The following ZBTB10 variants were observed in gnomAD, a reference collection of about 807,000 sequenced individuals.
ZBTB10 encodes zinc finger and BTB domain-containing protein 10.
A neutral mutation model predicts 76.4 loss-of-function variants in ZBTB10; 32 were observed. The observed-to-expected ratio is 0.42, with a 90% CI of 0.32 to 0.56. ZBTB10 has a LOEUF of 0.56. Ranked by LOEUF, ZBTB10 falls within the 20% of genes least tolerant of loss-of-function variation. The pLI, the probability that ZBTB10 is intolerant of heterozygous loss-of-function variation, is 0.14. For synonymous variants in ZBTB10, 523 were observed against 432.9 expected, an observed-to-expected ratio of 1.21 and a Z score of -2.58; for missense variants, 1,057 against 1,098.5, an observed-to-expected ratio of 0.96 and a Z score of 0.53.
chr8:80,486,978 G>C lies in ZBTB10; in HGVS notation c.168G>C (p.Gln56His). 1 of 1,513,194 alleles carries C rather than the reference G, an allele frequency of 6.6e-7. No homozygotes were observed. The highest frequency in any genetic ancestry group is 2.7e-5 in the East Asian group (1 of 37,104). 93.7% of individuals were successfully genotyped at this position (1,513,194 alleles called of 1,614,324 possible). Residue 56 changes from glutamine (Q) to histidine (H), a missense_variant, in exon 1 of 6, where the codon CAG (glutamine) becomes CAC (histidine). Gln to His is a conservative substitution (Grantham distance 24, BLOSUM62 0). Around this residue, in one of 5 missense-constraint regions of ZBTB10, gnomAD observed 556 missense variants for 451.7 expected, o/e 1.23. Coordinates refer to ENST00000455036, the MANE Select transcript of ZBTB10 (RefSeq NM_001105539.3). ...QPPPPAPPAL[Q>H]PPNGRGADEE... Reference sequence around the variant, plus strand: ...CGCCGCCAGCGCCGCCCGCGCTTCAGCCGCCTAATGGGCGGGGGGCCGACG... The same window carrying C: ...CGCCGCCAGCGCCGCCCGCGCTTCACCCGCCTAATGGGCGGGGGGCCGACG...
chr8:80,525,383 G>A lies in ZBTB10; in HGVS notation c.*5855G>A, dbSNP rs1388246902. The A allele has an allele frequency of 6.6e-6, 1 of 152,116 alleles. No homozygotes were observed. The highest frequency in any genetic ancestry group is 1.9e-4 in the East Asian group (1 of 5,200). The allele number at this position is 152,116 out of a possible 1,614,324, so 9.4% of individuals were successfully genotyped here. On this transcript the variant is annotated 3_prime_UTR_variant, in exon 6 of 6. Coordinates refer to ENST00000455036, the MANE Select transcript of ZBTB10 (RefSeq NM_001105539.3). ...CTGCTATTAATACTGCCGCCTTACT[G>A]TCAGCCAGATGATTTTTTCCCACCA...
chr8:80,506,590 C>A (rs1312834943), intron 2 of ZBTB10, among the ~76,000 whole-genome samples: 4 of 146,292 alleles, frequency 2.7e-5, no homozygotes, highest in Admixed American at 6.8e-5. Context: ...GCCTCAGCCT[C>A]CCAAAGCGCT....
intron 2 of ZBTB10, among the ~76,000 whole-genome samples, chr8:80,507,409 G>A (rs1000787349): frequency 1.3e-5 from 2 of 151,926 alleles, no homozygotes; most frequent in African/African-American, 4.8e-5. Flanking sequence ...TCAGGAGATC[G>A]AGACCATCCT....
chr8:80,517,653 A>G (rs995025723), intron 3 of ZBTB10, among the ~76,000 whole-genome samples: 3 of 151,998 alleles, frequency 2.0e-5, no homozygotes, highest in African/African-American at 2.4e-5. Flanking sequence ...TTCTGTACCA[A>G]TTAATCTTAA....
At position 80,487,710 on chromosome 8, in the gene ZBTB10, C is replaced by T. The variant is rs781374298; in HGVS notation, c.900C>T (p.Arg300=). Residue 300 remains arginine, a synonymous_variant, in exon 1 of 6, where the codon CGC becomes CGT. Transcript: ENST00000455036. ...VGHDELSRGT[R]NYKKTLLLRH... ...ATGATGAGCTTTCGCGAGGGACCCGCAACTACAAGAAAACCCTCCTCCTGA... is the reference window on the plus strand; with the variant it reads ...ATGATGAGCTTTCGCGAGGGACCCGTAACTACAAGAAAACCCTCCTCCTGA... The T allele has an allele frequency of 1.2e-6, 2 of 1,613,792 alleles. No homozygotes were observed. Among genetic ancestry groups the T allele is most frequent in the Admixed American group, 3.3e-5 (2 of 60,008 alleles).
At chr8:80,490,741 A>AG (rs1202838961) in intron 1 of ZBTB10, among the ~76,000 whole-genome samples, 1 of 152,236 alleles carries the variant, frequency 6.6e-6, no homozygotes, top group African/African-American at 2.4e-5. Flanking sequence ...CTTTGAGTCT[A>AG]GGAGTACTAA....
At chr8:80,506,674 A>C (rs1816065219) in intron 2 of ZBTB10, among the ~76,000 whole-genome samples, 1 of 151,722 alleles carries the variant, frequency 6.6e-6, no homozygotes, top group Non-Finnish European at 1.5e-5. Context: ...GTTTTGTATA[A>C]ATATTCATGT....
At chr8:80,493,673 A>AC (rs1297727660) in intron 1 of ZBTB10, among the ~76,000 whole-genome samples, 35 of 151,004 alleles carry the variant, frequency 2.3e-4, no homozygotes, top group Admixed American at 1.7e-3. Context: ...AAAACAAAAA[A>AC]AAAAAACCGA....
In ZBTB10 at chr8:80,519,517, C is replaced by T. The variant is rs1454051854; in HGVS notation, c.2605C>T (p.Leu869=). The stretch of plus-strand genomic sequence containing the variant: ...TGAATCAGGAGAAGTTTGTATGTCT[C>T]TAGATGATTAACTGACCTACTATAC... ...WDESGEVCMS[L]DD Residue 869 remains leucine, a synonymous_variant, in exon 6 of 6, where the codon CTA becomes TTA. Coordinates refer to ENST00000455036, the MANE Select transcript of ZBTB10 (RefSeq NM_001105539.3). 3.1e-6 allele frequency: 5 copies of T among 1,608,198 alleles called. No homozygotes were observed. In the African/African-American group the frequency reaches 4.0e-5, roughly 13 times the overall value.
intron 1 of ZBTB10, among the ~76,000 whole-genome samples, chr8:80,495,493 T>A (rs1815759804): frequency 6.6e-6 from 1 of 151,922 alleles, no homozygotes; most frequent in South Asian, 2.1e-4. Context: ...TTTAAAGCTC[T>A]GCTCAGGTCT....
In ZBTB10 at chr8:80,519,702, A is replaced by G. The variant is rs1171575859; in HGVS notation, c.*174A>G. ...AAAAAAAATTTTTTTTTATATTTGCACAGGACTATACAGCAAACAACCATG... is the reference window on the plus strand; with the variant it reads ...AAAAAAAATTTTTTTTTATATTTGCGCAGGACTATACAGCAAACAACCATG... On this transcript the variant is annotated 3_prime_UTR_variant, in exon 6 of 6. Transcript: ENST00000455036. 3.4e-6 allele frequency: 2 copies of G among 586,438 alleles called. No homozygotes were observed. Among genetic ancestry groups the G allele is most frequent in the Non-Finnish European group, 5.9e-6 (2 of 338,706 alleles). The allele number at this position is 586,438 out of a possible 1,614,324, so 36.3% of individuals were successfully genotyped here. A position where few individuals can be genotyped will look rare whatever the true frequency, so the allele number is the denominator to read the frequency against.
intron 2 of ZBTB10, among the ~76,000 whole-genome samples, chr8:80,513,066 A>G (rs1443831348): frequency 6.6e-6 from 1 of 152,020 alleles, no homozygotes; most frequent in South Asian, 2.1e-4. Context: ...TATTCAGTAT[A>G]CTTAATCTTT....
At chr8:80,501,301 G>T (rs976405774) in intron 2 of ZBTB10, among the ~76,000 whole-genome samples, 6 of 152,150 alleles carry the variant, frequency 3.9e-5, no homozygotes, top group Non-Finnish European at 8.8e-5. Context: ...CAAAAGTTCC[G>T]TAGGAATCTT....
intron 1 of ZBTB10, among the ~76,000 whole-genome samples, chr8:80,490,953 C>T (rs1446663552): frequency 6.6e-6 from 1 of 152,154 alleles, no homozygotes; most frequent in African/African-American, 2.4e-5. Context: ...TTTGTAATCC[C>T]AGCACTTTGC....
chr8:80,498,737 A>G (rs79573751), intron 1 of ZBTB10, among the ~76,000 whole-genome samples: 2,515 of 152,360 alleles, frequency 0.017, 74 homozygotes, highest in African/African-American at 0.058. Flanking sequence ...ATTATATCAC[A>G]TAATTTTAAT....
At chr8:80,518,745 G>A (rs1816390587) in intron 4 of ZBTB10, 37 bp from the exon 5 acceptor site, 5 of 1,560,232 alleles carry the variant, frequency 3.2e-6, no homozygotes, top group Non-Finnish European at 4.3e-6. Flanking sequence ...TCTGTTTAAT[G>A]TGTAATAAGC....
chr8:80,493,192 AACGCGCGCGCGCGCGCACACAC>A (rs1292791607), intron 1 of ZBTB10, among the ~76,000 whole-genome samples: 1 of 117,684 alleles, frequency 8.5e-6, no homozygotes, highest in Non-Finnish European at 1.8e-5. Flanking sequence ...TGTGCCTCAA[AACGCGCGCGCGCGCGCACACAC>A]ACACACACAC....
intron 3 of ZBTB10, among the ~76,000 whole-genome samples, chr8:80,517,632 TTAGTC>T (rs1224680577): frequency 1.3e-5 from 2 of 152,132 alleles, no homozygotes; most frequent in Non-Finnish European, 2.9e-5. Context: ...TTCTTTATTC[TTAGTC>T]TATTTTTCTG....
At chr8:80,516,908 G>A (rs1816338005) in intron 3 of ZBTB10, among the ~76,000 whole-genome samples, 1 of 152,186 alleles carries the variant, frequency 6.6e-6, no homozygotes, top group East Asian at 1.9e-4. Flanking sequence ...GCCCATGGGA[G>A]GAAAATGTAT....
Sources: gnomAD v4.1 joint callset for allele counts (sites outside exome capture counted in the v4.1 genomes callset) on GRCh38, gnomAD v4.1.1 for gene constraint, gnomAD v4.1.1 regional missense constraint, MANE v1.5 for transcripts, NCBI Gene and HGNC (gene_info 2026-07-23, HGNC 2026-07-21) for gene names.